Variants in TLL2 observed in about 807,000 individuals in gnomAD.
TLL2 encodes tolloid-like protein 2.
Under a neutral mutation model 123.0 loss-of-function variants are expected in TLL2, and 106 were observed. The observed-to-expected ratio is 0.86, with a 90% CI of 0.74 to 1.01. TLL2 has a LOEUF of 1.01. Among genes scored for constraint, TLL2 ranks in the 50% least tolerant of loss-of-function variants. TLL2 has a pLI of 0.00. For synonymous variants in TLL2, 494 were observed against 516.8 expected (o/e 0.96, Z 0.60); for missense variants, 1,332 against 1,336.7 (o/e 1.00, Z 0.06).
intron 13 of TLL2, among the ~76,000 whole-genome samples, chr10:96,392,135 G>C (rs1445390996): frequency 6.6e-6 from 1 of 152,168 alleles, no homozygotes; most frequent in Non-Finnish European, 1.5e-5. Context: ...GATGAATGTT[G>C]AATGCACGCT....
chr10:96,477,388 C>T (rs1416896029), intron 2 of TLL2, among the ~76,000 whole-genome samples: 4 of 150,038 alleles, frequency 2.7e-5, no homozygotes, highest in African/African-American at 9.9e-5. Flanking sequence ...CTTGCTCTGT[C>T]GCCCAGGCTG....
chr10:96,389,771 G>C (rs995032407), intron 13 of TLL2, among the ~76,000 whole-genome samples: 2 of 152,364 alleles, frequency 1.3e-5, no homozygotes, highest in East Asian at 3.9e-4. Flanking sequence ...GGTGAAGGGA[G>C]AGAGCCCGGT....
At chr10:96,397,906 G>A (rs1305667767) in intron 10 of TLL2, among the ~76,000 whole-genome samples, 1 of 152,152 alleles carries the variant, frequency 6.6e-6, no homozygotes, top group Non-Finnish European at 1.5e-5. Flanking sequence ...GCCCCTAAAA[G>A]GACCCATTCC....
chr10:96,424,022 A>C (rs757860280), intron 5 of TLL2, among the ~76,000 whole-genome samples: 39 of 152,334 alleles, frequency 2.6e-4, no homozygotes, highest in Non-Finnish European at 4.0e-4. Context: ...ATGGAACTGG[A>C]GATCATTATG....
rs1181460689 is a variant in TLL2, at chr10:96,506,270, A to G, written c.175+7241T>C. ...CCATCTCAAAAAAAAAAAAAAGAAA[A>G]AAAAAAAAGAAAAAAGGAAAGTGAC... On this transcript the variant is annotated intron_variant, in intron 1 of 20. Coordinates refer to ENST00000357947, the MANE Select transcript of TLL2 (RefSeq NM_012465.4). Among the ~76,000 whole-genome samples the G allele has an allele frequency of 9.2e-4, 138 of 150,270 alleles. 1 individual carries two copies. Among genetic ancestry groups the G allele is most frequent in the Non-Finnish European group, 1.7e-3 (117 of 67,468 alleles).
chr10:96,373,347 C>CCTCGAACTCCTGA, intron 19 of TLL2: 2 of 405,468 alleles, frequency 4.9e-6, no homozygotes, highest in Admixed American at 7.5e-5. Context: ...CACCATGTTG[C>CCTCGAACTCCTGA]CCAGGCTGGT....
intron 5 of TLL2, 70 bp from the exon 6 acceptor site, chr10:96,422,797 C>A (rs1846639162): frequency 6.4e-7 from 1 of 1,568,042 alleles, no homozygotes. Context: ...AGTCCCCCCT[C>A]CCACTCTGTA....
intron 4 of TLL2, among the ~76,000 whole-genome samples, chr10:96,431,573 C>T (rs1408083806): frequency 1.3e-5 from 2 of 152,128 alleles, no homozygotes; most frequent in African/African-American, 2.4e-5. Context: ...ACATTGGCCG[C>T]AGGTACGCAG....
intron 1 of TLL2, among the ~76,000 whole-genome samples, chr10:96,510,762 A>G (rs7894537): frequency 0.99 from 151,346 of 152,354 alleles, 75,181 homozygotes; most frequent in Middle Eastern, 1. Context: ...TTCAGCTTCT[A>G]AGAGGTTGGG....
chr10:96,380,958 CAA>C (rs1279237792), intron 16 of TLL2, among the ~76,000 whole-genome samples: 1 of 147,426 alleles, frequency 6.8e-6, no homozygotes, highest in Non-Finnish European at 1.5e-5. Flanking sequence ...GCCTGGGCAA[CAA>C]GAGCGACACT....
At chr10:96,498,208 G>A (rs1175532705) in intron 1 of TLL2, among the ~76,000 whole-genome samples, 2 of 152,162 alleles carry the variant, frequency 1.3e-5, no homozygotes, top group Non-Finnish European at 2.9e-5. Flanking sequence ...ACCCTAAGTC[G>A]CAGAGGATGG....
Position 96,420,980 on chromosome 10 carries a change from T to G in TLL2, c.899A>C (p.His300Pro), listed in dbSNP as rs535442493. The G allele has an allele frequency of 2.2e-5, 35 of 1,614,122 alleles. No individual in the cohort carries two copies. The South Asian group carries it at 3.7e-4, about 17-fold the overall frequency. Residue 300 changes from histidine (H) to proline (P), a missense_variant, in exon 7 of 21, where the codon CAC (histidine) becomes CCC (proline). Transcript: ENST00000357947. ...GETYDFDSIM[H>P]YARNTFSRGV... ...CCTTGAGAAGGTGTTCCGGGCGTAG[T>G]GCATGATGCTGTCAAAGTCGTATGT... is the stretch of plus-strand genomic sequence containing the variant.
chr10:96,368,573 A>G (rs1394960529), intron 20 of TLL2, among the ~76,000 whole-genome samples: 2 of 152,204 alleles, frequency 1.3e-5, no homozygotes, highest in Non-Finnish European at 2.9e-5. Flanking sequence ...CACTTCAGGA[A>G]ACTGAGACTC....
chr10:96,479,598 G>A (rs1847291323), intron 2 of TLL2, among the ~76,000 whole-genome samples: 1 of 152,226 alleles, frequency 6.6e-6, no homozygotes, highest in Admixed American at 6.5e-5. Context: ...AGAGAGCAGT[G>A]GGAGAGGAGA....
intron 2 of TLL2, among the ~76,000 whole-genome samples, chr10:96,476,236 A>ATTCTT (rs1333954391): frequency 4.9e-5 from 1 of 20,448 alleles, no homozygotes; most frequent in South Asian, 1.3e-3. Context: ...ATATATATAT[A>ATTCTT]TATATTTTAT....
intron 5 of TLL2, among the ~76,000 whole-genome samples, chr10:96,427,155 T>G (rs1846685782): frequency 6.6e-6 from 1 of 152,218 alleles, no homozygotes. Context: ...ACTTACCAGC[T>G]AATGTTTATT....
At chr10:96,468,032 C>T (rs1281721670) in intron 2 of TLL2, among the ~76,000 whole-genome samples, 1 of 152,176 alleles carries the variant, frequency 6.6e-6, no homozygotes, top group Non-Finnish European at 1.5e-5. Context: ...CAGGCTTGGT[C>T]CTTAAAGCCA....
At chr10:96,420,564 G>C (rs977030081) in intron 7 of TLL2, among the ~76,000 whole-genome samples, 15 of 152,150 alleles carry the variant, frequency 9.9e-5, no homozygotes, top group Non-Finnish European at 2.2e-4. Context: ...CCTTGACACA[G>C]CCTAGTTTCC....
chr10:96,479,769 C>T (rs192816835), intron 2 of TLL2, among the ~76,000 whole-genome samples: 1 of 152,236 alleles, frequency 6.6e-6, no homozygotes, highest in Non-Finnish European at 1.5e-5. Flanking sequence ...TGCCACAGCC[C>T]ACCCCAAAGG....
Sources: gnomAD v4.1 joint callset for allele counts (sites outside exome capture counted in the v4.1 genomes callset) on GRCh38, gnomAD v4.1.1 for gene constraint, MANE v1.5 for transcripts, NCBI Gene and HGNC (gene_info 2026-07-23, HGNC 2026-07-21) for gene names.